Variants in KATNBL1 observed in about 807,000 individuals in gnomAD.
KATNBL1 encodes KATNB1-like protein 1.
Under a neutral mutation model 44.7 loss-of-function variants are expected in KATNBL1, and 28 were observed. That is an observed-to-expected ratio of 0.63 (90% CI 0.46 to 0.86). The LOEUF is 0.86. Ranked by LOEUF, KATNBL1 falls within the 40% of genes least tolerant of loss-of-function variation. The pLI is 0.00. For synonymous variants in KATNBL1, 78 were observed against 114.9 expected (o/e 0.68, Z 2.06); for missense variants, 272 against 350.7 (o/e 0.78, Z 1.79).
intron 1 of KATNBL1, among the ~76,000 whole-genome samples, chr15:34,180,008 G>A (rs1889472154): frequency 6.6e-6 from 1 of 152,118 alleles, no homozygotes; most frequent in South Asian, 2.1e-4. Flanking sequence ...CCAAAATTAG[G>A]ACAGCTTCAT....
chr15:34,159,821 C>G (rs1269001720), intron 2 of KATNBL1, among the ~76,000 whole-genome samples: 1 of 152,178 alleles, frequency 6.6e-6, no homozygotes, highest in East Asian at 1.9e-4. Context: ...ACTAGCTGAT[C>G]AGTTTTTATA....
chr15:34,171,858 T>C (rs1233986357), intron 1 of KATNBL1, among the ~76,000 whole-genome samples: 1 of 150,400 alleles, frequency 6.6e-6, no homozygotes, highest in East Asian at 2.0e-4. Flanking sequence ...ACACCATATG[T>C]TCTCACTCAC....
At chr15:34,205,251 C>G (rs914314949) in intron 1 of KATNBL1, among the ~76,000 whole-genome samples, 2 of 152,118 alleles carry the variant, frequency 1.3e-5, no homozygotes, top group African/African-American at 4.8e-5. Flanking sequence ...GTAGGCCTCC[C>G]AAAGTGCTGG....
At position 34,152,810 on chromosome 15, in the gene KATNBL1, A is replaced by G; in HGVS notation, c.418T>C (p.Tyr140His). 6.2e-7 allele frequency: 1 copy of G among 1,612,404 alleles called. No homozygotes were observed. Among genetic ancestry groups the G allele is most frequent in the South Asian group, 1.1e-5 (1 of 90,762 alleles). The part of the protein sequence containing the change: ...SSQTESPSSK[Y>H]SGFFSEVSQD... ...CTTACCTCAGAAAAAAACCCACTATATTTTGATGATGGGCTTTCTGTCTGT... is the reference window on the plus strand; with the variant it reads ...CTTACCTCAGAAAAAAACCCACTATGTTTTGATGATGGGCTTTCTGTCTGT... Residue 140 changes from tyrosine (Y) to histidine (H), a missense_variant, in exon 4 of 10, where the codon TAT becomes CAT. Around this residue, in one of 3 missense-constraint regions of KATNBL1, gnomAD observed 111 missense variants for 149.3 expected, o/e 0.74. Transcript: ENST00000256544.
Position 34,147,434 on chromosome 15 carries a change from A to G in KATNBL1, c.558-4T>C. 1 of 1,610,760 alleles carries G rather than the reference A, an allele frequency of 6.2e-7. No homozygotes were observed. Among genetic ancestry groups the G allele is most frequent in the East Asian group, 2.2e-5 (1 of 44,842 alleles). On this transcript the variant is annotated splice_region_variant and splice_polypyrimidine_tract_variant and intron_variant, in intron 5 of 9. Coordinates refer to ENST00000256544, the MANE Select transcript of KATNBL1 (RefSeq NM_024713.3). Reference sequence around the variant, plus strand: ...CACAACGCCAAGATCTTCTATCCTGAGAGTATAAAAAGAATAGCATTGCCT... The same window carrying G: ...CACAACGCCAAGATCTTCTATCCTGGGAGTATAAAAAGAATAGCATTGCCT...
chr15:34,146,030 C>G (rs900159700), intron 8 of KATNBL1: 1 of 147,606 alleles, frequency 6.8e-6, no homozygotes, highest in African/African-American at 2.5e-5. Context: ...CTTACTGCAA[C>G]CTCCACCTCC....
At chr15:34,160,332 C>T (rs1888760195) in intron 2 of KATNBL1, among the ~76,000 whole-genome samples, 1 of 152,120 alleles carries the variant, frequency 6.6e-6, no homozygotes, top group African/African-American at 2.4e-5. Context: ...TTCTCTTCAT[C>T]TCTTCTTACA....
At chr15:34,181,758 A>G (rs149380818) in intron 1 of KATNBL1, among the ~76,000 whole-genome samples, 3,737 of 70,126 alleles carry the variant, frequency 0.053, 1,465 homozygotes, top group African/African-American at 0.13. Context: ...CCATATATAT[A>G]TCCATATATA....
In KATNBL1 at chr15:34,145,499, A is replaced by G. The variant is rs184495660; in HGVS notation, c.789-8T>C. The G allele has an allele frequency of 7.1e-5, 100 of 1,416,574 alleles. 1 individual carries two copies. In the African/African-American group the frequency reaches 1.2e-3, roughly 17 times the overall value. The allele number at this position is 1,416,574 out of a possible 1,614,324, so 87.8% of individuals were successfully genotyped here. ...TTTAAAATTTGAATATTTCTAAAAG[A>G]AAAAAAAGGAAGAAAAATGAGAAAG... On this transcript the variant is annotated splice_region_variant and splice_polypyrimidine_tract_variant and intron_variant, in intron 8 of 9. Transcript: ENST00000256544.
At chr15:34,199,028 C>G (rs1890097331) in intron 1 of KATNBL1, among the ~76,000 whole-genome samples, 1 of 152,140 alleles carries the variant, frequency 6.6e-6, no homozygotes, top group Non-Finnish European at 1.5e-5. Flanking sequence ...GGAAAAAGAA[C>G]AAAGAGAAAT....
chr15:34,201,364 C>T (rs1289702110), intron 1 of KATNBL1, among the ~76,000 whole-genome samples: 1 of 152,146 alleles, frequency 6.6e-6, no homozygotes, highest in African/African-American at 2.4e-5. Flanking sequence ...TGTATATTCA[C>T]TAAATATCTT....
At chr15:34,143,727 A>AT (rs2043797322) in intron 9 of KATNBL1, among the ~76,000 whole-genome samples, 1 of 148,446 alleles carries the variant, frequency 6.7e-6, no homozygotes. Context: ...AGGCAGGTGG[A>AT]TCATGAGGTC....
intron 1 of KATNBL1, among the ~76,000 whole-genome samples, chr15:34,192,414 A>G (rs111718435): frequency 6.6e-6 from 1 of 151,586 alleles, no homozygotes; most frequent in South Asian, 2.1e-4. Flanking sequence ...AAAAAAAAAA[A>G]AAAAACAAAA....
In KATNBL1 at chr15:34,167,031, C is replaced by T. The variant is rs560442088; in HGVS notation, c.-14-3341G>A. On this transcript the variant is annotated intron_variant, in intron 1 of 9. Coordinates refer to ENST00000256544, the MANE Select transcript of KATNBL1 (RefSeq NM_024713.3). ...GCTGAAAATTCAAAAAATCAGAACA[C>T]CTCTTCTCCACCAAAGGAACACAAC... is the stretch of plus-strand genomic sequence containing the variant. Among the ~76,000 whole-genome samples, 5 of 152,274 alleles carry T rather than the reference C, an allele frequency of 3.3e-5. No individual in the cohort carries two copies. In the South Asian group the frequency reaches 8.3e-4, roughly 25 times the overall value.
chr15:34,181,870 C>CATATATATAT (rs374057022), intron 1 of KATNBL1, among the ~76,000 whole-genome samples: 2 of 73,100 alleles, frequency 2.7e-5, no homozygotes, highest in South Asian at 4.9e-4. Flanking sequence ...TATATATATC[C>CATATATATAT]ATATATATAT....
chr15:34,145,408 T>C lies in KATNBL1; in HGVS notation c.872A>G (p.Asn291Ser). The change falls in exon 9 of 10, where the codon AAT becomes AGT. Residue 291 changes from asparagine (N) to serine (S), a missense_variant. Transcript: ENST00000256544. ...HLTLVPGYTG[N>S]IAKDVDAYLL... ...TTAAATATAGATTACCTTAGCTATA[T>C]TACCAGTATATCCTGGAACCAAAGT... is the stretch of plus-strand genomic sequence containing the variant. 11 of 1,457,008 alleles carry C rather than the reference T, an allele frequency of 7.5e-6. No individual in the cohort carries two copies. Among genetic ancestry groups the C allele is most frequent in the Non-Finnish European group, 9.0e-6 (10 of 1,106,428 alleles). The allele number at this position is 1,457,008 out of a possible 1,614,324, so 90.3% of individuals were successfully genotyped here. A position where few individuals can be genotyped will look rare whatever the true frequency, so the allele number is the denominator to read the frequency against.
chr15:34,196,104 T>C (rs73382089), intron 1 of KATNBL1, among the ~76,000 whole-genome samples: 4,521 of 152,262 alleles, frequency 0.03, 237 homozygotes, highest in African/African-American at 0.1. Context: ...TACACATGTA[T>C]CTTAAACATT....
At chr15:34,175,517 C>G (rs914154315) in intron 1 of KATNBL1, among the ~76,000 whole-genome samples, 7 of 152,162 alleles carry the variant, frequency 4.6e-5, no homozygotes, top group Admixed American at 4.6e-4. Flanking sequence ...ATGTTTATTT[C>G]TTCAGAGGCT....
intron 1 of KATNBL1, among the ~76,000 whole-genome samples, chr15:34,208,085 T>A (rs1029309047): frequency 2.6e-5 from 4 of 152,272 alleles, no homozygotes; most frequent in Non-Finnish European, 4.4e-5. Context: ...GCACATTTTT[T>A]ATTTTATTTT....
Sources: gnomAD v4.1 joint callset for allele counts (sites outside exome capture counted in the v4.1 genomes callset) on GRCh38, gnomAD v4.1.1 for gene constraint, gnomAD v4.1.1 regional missense constraint, MANE v1.5 for transcripts, NCBI Gene and HGNC (gene_info 2026-07-23, HGNC 2026-07-21) for gene names.